The following STMN2 variants were observed in gnomAD, a reference collection of about 807,000 sequenced individuals.
STMN2 encodes the protein stathmin-2.
In STMN2, 2 loss-of-function variants were observed where a neutral mutation model predicts 24.1. The ratio of observed to expected loss-of-function variants is 0.08; its 90% confidence interval spans 0.03 to 0.26. The LOEUF is 0.26. STMN2 is among the 10% of genes least tolerant of loss of function. The probability of loss-of-function intolerance (pLI) is 1.00; values close to 1 mark genes in which losing one functional copy is unlikely to be tolerated. For missense variants in STMN2, 114 were observed against 213.6 expected (o/e 0.53, Z 2.91); for synonymous variants, 83 against 77.5 (o/e 1.07, Z -0.37).
At chr8:79,634,455 T>C (rs1464618188) in intron 1 of STMN2, among the ~76,000 whole-genome samples, 1 of 152,226 alleles carries the variant, frequency 6.6e-6, no homozygotes, top group Non-Finnish European at 1.5e-5. Context: ...GAAAATAAGC[T>C]AAATAGTGAG....
In STMN2 at chr8:79,631,563, C is replaced by T. The variant is rs188630472; in HGVS notation, c.20-5239C>T. ...GGGTATTTTAAAATCTGAGTTATTT[C>T]TTTTTCTTTTTAAAGTTACATCATT... is the stretch of plus-strand genomic sequence containing the variant. On this transcript the variant is annotated intron_variant, in intron 1 of 4. Transcript: ENST00000220876. 5,619 of 666,614 alleles carry T rather than the reference C, an allele frequency of 8.4e-3. 32 individuals are homozygous for T. The highest frequency in any genetic ancestry group is 0.014 in the Middle Eastern group (19 of 1,358). 41.3% of individuals were successfully genotyped at this position (666,614 alleles called of 1,614,324 possible).
At chr8:79,637,220 A>ATC (rs1185015558) in intron 2 of STMN2, among the ~76,000 whole-genome samples, 1 of 152,204 alleles carries the variant, frequency 6.6e-6, no homozygotes, top group Admixed American at 6.5e-5. Flanking sequence ...ATTGGAGTAG[A>ATC]TCATAATTTG....
chr8:79,661,440 C>T (rs1479789094), intron 4 of STMN2, among the ~76,000 whole-genome samples: 1 of 152,062 alleles, frequency 6.6e-6, no homozygotes, highest in Non-Finnish European at 1.5e-5. Flanking sequence ...ACACCTATTG[C>T]ATTCTTCTCA....
chr8:79,662,035 T>C (rs558044251), intron 4 of STMN2, among the ~76,000 whole-genome samples: 1 of 152,228 alleles, frequency 6.6e-6, no homozygotes, highest in East Asian at 1.9e-4. Flanking sequence ...ATTTGATACC[T>C]AGTGAGATTA....
intron 3 of STMN2, among the ~76,000 whole-genome samples, chr8:79,650,742 C>T (rs1810317032): frequency 6.6e-6 from 1 of 152,030 alleles, no homozygotes; most frequent in Admixed American, 6.5e-5. Flanking sequence ...GAGGTAGATG[C>T]CCCCCTGGTT....
At chr8:79,640,797 C>T (rs1390184050) in intron 2 of STMN2, among the ~76,000 whole-genome samples, 4 of 152,220 alleles carry the variant, frequency 2.6e-5, no homozygotes, top group Non-Finnish European at 5.9e-5. Flanking sequence ...TCAGCATTGA[C>T]TTTGCCAAAT....
At chr8:79,644,508 G>C (rs988088634) in intron 3 of STMN2, among the ~76,000 whole-genome samples, 1 of 152,200 alleles carries the variant, frequency 6.6e-6, no homozygotes, top group Non-Finnish European at 1.5e-5. Context: ...TTATGGCCAA[G>C]AGGATGTAGT....
intron 1 of STMN2, among the ~76,000 whole-genome samples, chr8:79,626,756 A>AAG (rs1809666042): frequency 6.6e-6 from 1 of 152,190 alleles, no homozygotes; most frequent in Non-Finnish European, 1.5e-5. Flanking sequence ...CCTATGTATG[A>AAG]GGGAAAATAC....
At chr8:79,664,494 G>T (rs1294824322) in intron 4 of STMN2, among the ~76,000 whole-genome samples, 2 of 152,160 alleles carry the variant, frequency 1.3e-5, no homozygotes, top group East Asian at 3.8e-4. Flanking sequence ...CATTAGAAAT[G>T]ATAGAGAAAC....
At chr8:79,617,398 C>A (rs578142041) in intron 1 of STMN2, among the ~76,000 whole-genome samples, 95 of 152,240 alleles carry the variant, frequency 6.2e-4, no homozygotes, top group African/African-American at 2.1e-3. Context: ...TAACATTTCC[C>A]AAATAGGGCA....
At chr8:79,662,978 T>C (rs1278440147) in intron 4 of STMN2, among the ~76,000 whole-genome samples, 1 of 152,130 alleles carries the variant, frequency 6.6e-6, no homozygotes, top group Non-Finnish European at 1.5e-5. Flanking sequence ...GCTGCATCCA[T>C]GCTAATTTCC....
chr8:79,611,770 T>A (rs1809231261), intron 1 of STMN2: 1 of 974,826 alleles, frequency 1.0e-6, no homozygotes, highest in East Asian at 1.1e-4. Flanking sequence ...AAACCGCTAG[T>A]CCTGGGGTGC....
intron 1 of STMN2, among the ~76,000 whole-genome samples, chr8:79,614,216 C>A (rs958900557): frequency 2.6e-5 from 4 of 152,100 alleles, no homozygotes; most frequent in African/African-American, 9.7e-5. Context: ...ACTACTTCTG[C>A]AGTATTAAAA....
chr8:79,638,778 A>G (rs1307627131), intron 2 of STMN2, among the ~76,000 whole-genome samples: 1 of 152,126 alleles, frequency 6.6e-6, no homozygotes, highest in African/African-American at 2.4e-5. Context: ...AGCTATTAAG[A>G]GGGGCTTACT....
At chr8:79,663,762 G>A in intron 4 of STMN2, 1 of 971,644 alleles carries the variant, frequency 1.0e-6, no homozygotes, top group African/African-American at 1.7e-5. Context: ...ATATATGCAA[G>A]ACAGTTTGAT....
At chr8:79,650,856 T>C (rs1810319555) in intron 3 of STMN2, among the ~76,000 whole-genome samples, 1 of 152,070 alleles carries the variant, frequency 6.6e-6, no homozygotes, top group Non-Finnish European at 1.5e-5. Flanking sequence ...AGAGGATCTC[T>C]TGAGCCCAGG....
chr8:79,660,710 G>T (rs933389813), intron 4 of STMN2, among the ~76,000 whole-genome samples: 4 of 152,030 alleles, frequency 2.6e-5, no homozygotes, highest in African/African-American at 7.2e-5. Flanking sequence ...ACATGGAAAA[G>T]TTCCTTAGTG....
intron 4 of STMN2, among the ~76,000 whole-genome samples, chr8:79,658,326 A>G (rs1476874549): frequency 6.6e-6 from 1 of 152,196 alleles, no homozygotes; most frequent in Non-Finnish European, 1.5e-5. Context: ...AGAAAAAAAA[A>G]GATGACCACT....
At chr8:79,636,422 C>A (rs1044656724) in intron 1 of STMN2, among the ~76,000 whole-genome samples, 2 of 152,116 alleles carry the variant, frequency 1.3e-5, no homozygotes, top group African/African-American at 4.8e-5. Context: ...GTACAATAGA[C>A]CTGCATGCAC....
Sources: gnomAD v4.1 joint callset for allele counts (sites outside exome capture counted in the v4.1 genomes callset) on GRCh38, gnomAD v4.1.1 for gene constraint, MANE v1.5 for transcripts, NCBI Gene and HGNC (gene_info 2026-07-23, HGNC 2026-07-21) for gene names.